The following NPAS3 variants were observed in gnomAD, a reference collection of about 807,000 sequenced individuals.
NPAS3 encodes neuronal PAS domain protein 3.
NPAS3 carries 14 observed loss-of-function variants against 73.1 expected under a neutral mutation model. The ratio of observed to expected loss-of-function variants is 0.19; its 90% CI spans 0.13 to 0.30. NPAS3 has a LOEUF of 0.30. Ranked by LOEUF, NPAS3 falls within the 10% of genes least tolerant of loss-of-function variation. NPAS3 has a pLI of 1.00. For missense variants in NPAS3, 1,096 were observed against 1,250.0 expected, an observed-to-expected ratio of 0.88 and a Z score of 1.86; for synonymous variants, 620 against 541.5, an observed-to-expected ratio of 1.14 and a Z score of -2.01.
intron 7 of NPAS3, among the ~76,000 whole-genome samples, chr14:33,736,892 A>G (rs1217886113): frequency 6.6e-6 from 1 of 152,214 alleles, no homozygotes; most frequent in African/African-American, 2.4e-5. Context: ...TTCATACCAC[A>G]AACTAGAGAT....
chr14:33,065,255 G>A (rs1481805056), intron 2 of NPAS3, among the ~76,000 whole-genome samples: 1 of 152,150 alleles, frequency 6.6e-6, no homozygotes, highest in African/African-American at 2.4e-5. Flanking sequence ...GAAAGGTGTG[G>A]TGAGAAGGGT....
intron 4 of NPAS3, among the ~76,000 whole-genome samples, chr14:33,389,965 A>C (rs2046930500): frequency 6.6e-6 from 1 of 152,160 alleles, no homozygotes; most frequent in Non-Finnish European, 1.5e-5. Flanking sequence ...GAAGGGTGTC[A>C]TATGGTCATC....
At chr14:33,681,892 G>T (rs1325821309) in intron 6 of NPAS3, among the ~76,000 whole-genome samples, 1 of 134,652 alleles carries the variant, frequency 7.4e-6, no homozygotes, top group Non-Finnish European at 1.5e-5. Context: ...GTGACAAACA[G>T]TGTAGTCGAG....
chr14:33,180,869 A>G (rs1248045244), intron 2 of NPAS3, among the ~76,000 whole-genome samples: 1 of 149,892 alleles, frequency 6.7e-6, no homozygotes, highest in South Asian at 2.1e-4. Context: ...TTCAGTAGTG[A>G]TGACAGATTG....
chr14:33,483,183 T>C (rs1006911579), intron 4 of NPAS3, among the ~76,000 whole-genome samples: 1 of 152,176 alleles, frequency 6.6e-6, no homozygotes, highest in African/African-American at 2.4e-5. Context: ...GCAAGTACTA[T>C]GAAACTTCAG....
rs1159932779 is a variant in NPAS3, at chr14:33,262,330, A to T, written c.385+46904A>T. ...AAGCCAAGAAATAAGTGTAGGCAAT[A>T]CAGTTCTACTTTTTGCTCCATTGTT... is the stretch of plus-strand genomic sequence containing the variant. On this transcript the variant is annotated intron_variant, in intron 3 of 11. Transcript: ENST00000356141. Among the ~76,000 whole-genome samples, 6 of 152,228 alleles carry T rather than the reference A, an allele frequency of 3.9e-5. No individual in the cohort carries two copies. In the East Asian group the frequency reaches 1.2e-3, roughly 29 times the overall value.
rs1223897500 is a variant in NPAS3, at chr14:33,727,809, T to G, written c.734-7405T>G. The stretch of plus-strand genomic sequence containing the variant: ...ATCCACGCAGCATCGCAGGAGGACA[T>G]GCTATATTTTTCTCCCAGAATAGAT... On this transcript the variant is annotated intron_variant, in intron 6 of 11. Coordinates refer to ENST00000356141, the Ensembl canonical transcript of NPAS3. Among the ~76,000 whole-genome samples, 3 of 152,054 alleles carry G rather than the reference T, an allele frequency of 2.0e-5. No individual in the cohort carries two copies. The East Asian group carries it at 5.8e-4, about 29-fold the overall frequency.
chr14:33,105,888 G>A (rs2042709638), intron 2 of NPAS3, among the ~76,000 whole-genome samples: 1 of 152,170 alleles, frequency 6.6e-6, no homozygotes, highest in Non-Finnish European at 1.5e-5. Flanking sequence ...TCCTACAGGA[G>A]TTATTTAAAA....
intron 1 of NPAS3, among the ~76,000 whole-genome samples, chr14:33,055,302 C>G (rs980528928): frequency 2.6e-5 from 4 of 152,198 alleles, no homozygotes; most frequent in African/African-American, 9.7e-5. Context: ...CCTGGAGCCA[C>G]TGTAATCAGT....
intron 2 of NPAS3, among the ~76,000 whole-genome samples, chr14:33,094,105 C>T (rs979958244): frequency 1.6e-5 from 2 of 125,320 alleles, no homozygotes; most frequent in Non-Finnish European, 3.2e-5. Context: ...TACCCTAGAA[C>T]TTAAAGTATA....
intron 6 of NPAS3, among the ~76,000 whole-genome samples, chr14:33,709,873 A>AT (rs1342551414): frequency 6.6e-6 from 1 of 152,094 alleles, no homozygotes; most frequent in East Asian, 1.9e-4. Context: ...TCATGCTGGG[A>AT]TTTTTACAGA....
At chr14:33,699,496 C>T (rs1003323145) in intron 6 of NPAS3, among the ~76,000 whole-genome samples, 2 of 151,880 alleles carry the variant, frequency 1.3e-5, no homozygotes, top group African/African-American at 4.8e-5. Context: ...ACAGAAAGGG[C>T]GCCAGGAAAG....
chr14:33,735,478 A>G, intron 7 of NPAS3, 146 bp downstream of exon 7: 1 of 652,222 alleles, frequency 1.5e-6, no homozygotes, highest in Non-Finnish European at 2.8e-6. Context: ...TTCCTGTCTC[A>G]AGGCAGGAGC....
chr14:33,006,168 C>T (rs1365989069), intron 1 of NPAS3, among the ~76,000 whole-genome samples: 2 of 152,120 alleles, frequency 1.3e-5, no homozygotes, highest in Non-Finnish European at 2.9e-5. Context: ...TCAGAACATT[C>T]CTAATCAGGA....
intron 3 of NPAS3, among the ~76,000 whole-genome samples, chr14:33,266,199 TA>T (rs2040810068): frequency 6.6e-6 from 1 of 152,128 alleles, no homozygotes; most frequent in African/African-American, 2.4e-5. Flanking sequence ...TAAAACAATG[TA>T]AAGGATGAGT....
intron 2 of NPAS3, among the ~76,000 whole-genome samples, chr14:33,168,361 G>A (rs1326814795): frequency 6.6e-6 from 1 of 152,094 alleles, no homozygotes; most frequent in Non-Finnish European, 1.5e-5. Context: ...GAGCAGAGAA[G>A]GTCACAAGGA....
intron 5 of NPAS3, among the ~76,000 whole-genome samples, chr14:33,579,660 A>G (rs1202614633): frequency 1.3e-5 from 2 of 150,982 alleles, no homozygotes; most frequent in African/African-American, 4.9e-5. Flanking sequence ...TTTTTTCTTC[A>G]TTTGACCAAC....
chr14:33,435,913 G>A (rs181517941), intron 4 of NPAS3, among the ~76,000 whole-genome samples: 238 of 152,226 alleles, frequency 1.6e-3, no homozygotes, highest in African/African-American at 5.5e-3. Context: ...TTTATACAGA[G>A]CAGTGTCCCT....
At chr14:33,154,171 C>T (rs951809832) in intron 2 of NPAS3, among the ~76,000 whole-genome samples, 2 of 152,156 alleles carry the variant, frequency 1.3e-5, no homozygotes. Flanking sequence ...GGAGCCTGGG[C>T]AGTTAGCTGC....
Sources: gnomAD v4.1 joint callset for allele counts (sites outside exome capture counted in the v4.1 genomes callset) on GRCh38, gnomAD v4.1.1 for gene constraint, MANE v1.5 for transcripts, NCBI Gene and HGNC (gene_info 2026-07-23, HGNC 2026-07-21) for gene names.